TMEM131L: variants seen among roughly 807,000 people sequenced by gnomAD.
TMEM131L encodes transmembrane 131 like.
TMEM131L carries 54 observed loss-of-function variants against 192.2 expected under a neutral mutation model. The observed-to-expected ratio is 0.28, with a 90% confidence interval of 0.23 to 0.35. The LOEUF is 0.35. TMEM131L is among the 10% of genes least tolerant of loss of function. The probability of loss-of-function intolerance (pLI) is 1.00; values close to 1 mark genes in which losing one functional copy is unlikely to be tolerated. For synonymous variants in TMEM131L, 701 were observed against 704.9 expected (o/e 0.99, Z 0.09); for missense variants, 1,888 against 1,972.9 (o/e 0.96, Z 0.82).
chr4:153,533,127 C>T (rs1418039984), intron 3 of TMEM131L, among the ~76,000 whole-genome samples: 1 of 151,984 alleles, frequency 6.6e-6, no homozygotes, highest in East Asian at 1.9e-4. Context: ...GCTGGGATTA[C>T]AGGCATGCAC....
Position 153,636,538 on chromosome 4 carries a change from C to T in TMEM131L, c.4795C>T (p.Pro1599Ser), listed in dbSNP as rs140295633. The change falls in exon 35 of 35, where the codon CCA becomes TCA. Residue 1599 changes from proline to serine, a missense_variant. Pro to Ser is a moderately conservative substitution (Grantham distance 74). Transcript: ENST00000409959. ...CACAGCGAATAGGAATGCAAATTTC[C>T]CACTGTCTAGAGACTCGAGTTACTG... ...TTTANRNANF[P>S]LSRDSSYCGN... 2 of 1,614,038 alleles carry T rather than the reference C, an allele frequency of 1.2e-6. No homozygotes were observed. The highest frequency in any genetic ancestry group is 2.7e-5 in the African/African-American group (2 of 74,918).
intron 3 of TMEM131L, among the ~76,000 whole-genome samples, chr4:153,488,416 G>A (rs1732516866): frequency 6.6e-6 from 1 of 152,192 alleles, no homozygotes. Context: ...GGGAGGAGTG[G>A]GGACCGGGCC....
At chr4:153,627,069 G>A (rs1733893693) in intron 30 of TMEM131L, among the ~76,000 whole-genome samples, 1 of 152,152 alleles carries the variant, frequency 6.6e-6, no homozygotes, top group Non-Finnish European at 1.5e-5. Flanking sequence ...GAGGACAAAG[G>A]ATGCAGTTAA....
chr4:153,632,625 G>A, intron 31 of TMEM131L, 93 bp from the exon 32 acceptor site: 7 of 1,440,566 alleles, frequency 4.9e-6, no homozygotes, highest in Non-Finnish European at 6.8e-6. Context: ...GTGACATTAG[G>A]GAGTGTTTTC....
At chr4:153,573,942 C>T (rs994838109) in intron 7 of TMEM131L, among the ~76,000 whole-genome samples, 1 of 152,202 alleles carries the variant, frequency 6.6e-6, no homozygotes, top group African/African-American at 2.4e-5. Flanking sequence ...TCAATATAAT[C>T]TCCCCTTTGA....
At chr4:153,537,792 C>T (rs1736452293) in intron 3 of TMEM131L, among the ~76,000 whole-genome samples, 1 of 152,210 alleles carries the variant, frequency 6.6e-6, no homozygotes, top group Non-Finnish European at 1.5e-5. Flanking sequence ...TCGTTTTACC[C>T]AGCTCCTATT....
chr4:153,506,960 A>G (rs12186328), intron 3 of TMEM131L, among the ~76,000 whole-genome samples: 25,659 of 152,156 alleles, frequency 0.17, 2,721 homozygotes, highest in Middle Eastern at 0.24. Context: ...CCCTGTAACC[A>G]TAGCTGAAAA....
chr4:153,477,401 A>G (rs1481701340), intron 3 of TMEM131L, among the ~76,000 whole-genome samples: 1 of 151,976 alleles, frequency 6.6e-6, no homozygotes, highest in Non-Finnish European at 1.5e-5. Context: ...GTGCCTTTGT[A>G]TTTGTTTTCT....
chr4:153,561,863 C>T (rs1728865077), intron 7 of TMEM131L, among the ~76,000 whole-genome samples: 1 of 151,874 alleles, frequency 6.6e-6, no homozygotes, highest in South Asian at 2.1e-4. Context: ...TGTCCCTACT[C>T]TTGTGGTGTT....
chr4:153,600,179 A>G (rs1407383173), intron 21 of TMEM131L, among the ~76,000 whole-genome samples: 1 of 152,220 alleles, frequency 6.6e-6, no homozygotes, highest in East Asian at 1.9e-4. Flanking sequence ...AGCCTGGGCA[A>G]CAAAGCAAGA....
intron 25 of TMEM131L, among the ~76,000 whole-genome samples, chr4:153,610,114 C>T (rs538069622): frequency 7.2e-5 from 11 of 152,216 alleles, no homozygotes; most frequent in South Asian, 2.1e-4. Flanking sequence ...GCTCTTGGTT[C>T]GGAAATGCAC....
At chr4:153,495,984 A>G (rs1162983385) in intron 3 of TMEM131L, among the ~76,000 whole-genome samples, 2 of 152,090 alleles carry the variant, frequency 1.3e-5, no homozygotes, top group Non-Finnish European at 2.9e-5. Flanking sequence ...AAAGGGGCGG[A>G]TGTCAGCCCT....
intron 3 of TMEM131L, among the ~76,000 whole-genome samples, chr4:153,531,404 A>G (rs956239997): frequency 3.3e-5 from 5 of 152,228 alleles, no homozygotes; most frequent in Admixed American, 3.3e-4. Flanking sequence ...TAAAGATTCC[A>G]CTACAGAGGA....
intron 31 of TMEM131L, chr4:153,632,317 C>G (rs192065023): frequency 1.4e-5 from 2 of 141,570 alleles, no homozygotes; most frequent in African/African-American, 5.1e-5. Flanking sequence ...TCCCTCCCCC[C>G]ACCCAAAAAA....
rs34798944 is a variant in TMEM131L, at chr4:153,582,434, T to G, written c.893-756T>G. 6.7e-4 allele frequency among the ~76,000 whole-genome samples: 37 copies of G among 55,552 alleles called. 1 individual carries two copies. The highest frequency in any genetic ancestry group is 5.5e-3 in the Admixed American group (28 of 5,114). The allele number at this position is 55,552 out of a possible 152,430, so 36.4% of individuals were successfully genotyped here. ...TAATTTAAACCGTTTTTTTTTGTTG[T>G]TTTTTTTTTTTTTTTTTTTTTTTTT... On this transcript the variant is annotated intron_variant, in intron 9 of 34. Transcript: ENST00000409959.
chr4:153,497,294 T>A (rs1309683869), intron 3 of TMEM131L, among the ~76,000 whole-genome samples: 2 of 152,172 alleles, frequency 1.3e-5, no homozygotes, highest in Non-Finnish European at 2.9e-5. Flanking sequence ...CATCATGACA[T>A]CATTGAGCTA....
At chr4:153,473,293 G>C (rs371261282) in intron 2 of TMEM131L, among the ~76,000 whole-genome samples, 2 of 152,380 alleles carry the variant, frequency 1.3e-5, no homozygotes, top group South Asian at 4.1e-4. Flanking sequence ...TTGCTGCACA[G>C]AGTGCGATGG....
At chr4:153,548,893 C>G (rs910289428) in intron 3 of TMEM131L, among the ~76,000 whole-genome samples, 17 of 152,200 alleles carry the variant, frequency 1.1e-4, no homozygotes, top group African/African-American at 3.9e-4. Flanking sequence ...CATTCCTGGA[C>G]CAGCCTTTGA....
chr4:153,524,525 T>G (rs1735344384), intron 3 of TMEM131L, among the ~76,000 whole-genome samples: 1 of 152,254 alleles, frequency 6.6e-6, no homozygotes, highest in Non-Finnish European at 1.5e-5. Context: ...ATGTGTGTCT[T>G]ATTTTGAAGA....
Sources: allele counts gnomAD v4.1 joint callset (sites outside exome capture counted in the v4.1 genomes callset), GRCh38; gene constraint gnomAD v4.1.1; transcripts MANE v1.5; gene names NCBI Gene and HGNC (gene_info 2026-07-23, HGNC 2026-07-21).